Variants in C8orf34 observed in about 807,000 individuals in gnomAD.
The protein encoded by C8orf34 is chromosome 8 open reading frame 34.
A neutral mutation model predicts 68.3 loss-of-function variants in C8orf34; 65 were observed. The ratio of observed to expected loss-of-function variants is 0.95; its 90% CI spans 0.78 to 1.17. C8orf34 has a LOEUF of 1.17. Ranked by LOEUF, C8orf34 falls within the 50% of genes most tolerant of loss-of-function variation. The probability of loss-of-function intolerance (pLI) is 0.00; values close to 1 mark genes in which losing one functional copy is unlikely to be tolerated. For missense variants in C8orf34, 664 were observed against 655.4 expected (o/e 1.01, Z -0.14); for synonymous variants, 244 against 241.2 (o/e 1.01, Z -0.11).
chr8:68,761,154 C>T (rs1307701216), intron 10 of C8orf34, among the ~76,000 whole-genome samples: 1 of 152,150 alleles, frequency 6.6e-6, no homozygotes, highest in Non-Finnish European at 1.5e-5. Context: ...TTAAATGCAA[C>T]AAGGTTATAA....
At chr8:68,456,382 A>G (rs1016572829) in intron 3 of C8orf34, among the ~76,000 whole-genome samples, 2 of 152,212 alleles carry the variant, frequency 1.3e-5, no homozygotes, top group Admixed American at 6.5e-5. Context: ...GTAGAATGTA[A>G]TATCTTCAGT....
intron 6 of C8orf34, among the ~76,000 whole-genome samples, chr8:68,531,041 A>G (rs1815222322): frequency 6.6e-6 from 1 of 152,126 alleles, no homozygotes; most frequent in Non-Finnish European, 1.5e-5. Flanking sequence ...CCTATTATCT[A>G]TATATCTATC....
chr8:68,613,150 A>C (rs1458994953), intron 7 of C8orf34, among the ~76,000 whole-genome samples: 1 of 152,156 alleles, frequency 6.6e-6, no homozygotes, highest in East Asian at 1.9e-4. Context: ...CAGTGAGATT[A>C]AAGGAAAGTG....
intron 1 of C8orf34, among the ~76,000 whole-genome samples, chr8:68,409,723 C>T (rs1809362866): frequency 6.6e-6 from 1 of 152,158 alleles, no homozygotes. Context: ...CAGTCATGTC[C>T]TAGGCCTTCA....
chr8:68,746,674 A>T (rs1383997659), intron 10 of C8orf34, among the ~76,000 whole-genome samples: 1 of 148,776 alleles, frequency 6.7e-6, no homozygotes, highest in Non-Finnish European at 1.5e-5. Context: ...CCCTCCCAAG[A>T]CTAAACCAGG....
chr8:68,358,290 T>A (rs1378104615), intron 1 of C8orf34, among the ~76,000 whole-genome samples: 1 of 152,080 alleles, frequency 6.6e-6, no homozygotes, highest in Non-Finnish European at 1.5e-5. Flanking sequence ...ATTAGTCTTA[T>A]GAACAGCAAA....
At chr8:68,626,467 G>A (rs917031004) in intron 7 of C8orf34, among the ~76,000 whole-genome samples, 4 of 152,176 alleles carry the variant, frequency 2.6e-5, no homozygotes, top group African/African-American at 9.7e-5. Flanking sequence ...AAAGTTAACT[G>A]CTAAAATAGG....
chr8:68,524,617 TC>T (rs1814899799), intron 6 of C8orf34, among the ~76,000 whole-genome samples: 1 of 152,206 alleles, frequency 6.6e-6, no homozygotes, highest in African/African-American at 2.4e-5. Flanking sequence ...ATGATTGAAG[TC>T]TTTCTGTGAG....
intron 7 of C8orf34, among the ~76,000 whole-genome samples, chr8:68,582,081 T>C (rs1017400310): frequency 3.3e-5 from 5 of 152,114 alleles, no homozygotes; most frequent in African/African-American, 9.7e-5. Flanking sequence ...ATAACAAAAG[T>C]CAGGGTAACC....
At chr8:68,571,334 C>A (rs1333500349) in intron 7 of C8orf34, among the ~76,000 whole-genome samples, 1 of 152,096 alleles carries the variant, frequency 6.6e-6, no homozygotes, top group Non-Finnish European at 1.5e-5. Flanking sequence ...AAGTAAATCC[C>A]CAGAAGGAAA....
intron 1 of C8orf34, among the ~76,000 whole-genome samples, chr8:68,379,994 A>C (rs1190136910): frequency 6.6e-6 from 1 of 152,184 alleles, no homozygotes; most frequent in Non-Finnish European, 1.5e-5. Flanking sequence ...CTGGGACTAC[A>C]GGAGTGCATC....
intron 12 of C8orf34, among the ~76,000 whole-genome samples, chr8:68,796,480 G>C (rs1257298480): frequency 4.0e-5 from 6 of 148,402 alleles, no homozygotes; most frequent in Non-Finnish European, 7.4e-5. Flanking sequence ...TTGGGCCCTA[G>C]TTTCATGAGA....
chr8:68,793,239 T>TAAAAAA (rs1824066477), intron 12 of C8orf34, among the ~76,000 whole-genome samples: 1 of 152,158 alleles, frequency 6.6e-6, no homozygotes, highest in South Asian at 2.1e-4. Context: ...ATAGTAAAGT[T>TAAAAAA]AAACAGTGGA....
chr8:68,353,417 G>T (rs893499232), intron 1 of C8orf34, among the ~76,000 whole-genome samples: 2 of 151,630 alleles, frequency 1.3e-5, no homozygotes, highest in African/African-American at 4.8e-5. Context: ...TTTTATGAGT[G>T]ATGCATAGAT....
intron 4 of C8orf34, among the ~76,000 whole-genome samples, chr8:68,478,731 A>T (rs1433506226): frequency 6.6e-6 from 1 of 152,200 alleles, no homozygotes; most frequent in Non-Finnish European, 1.5e-5. Context: ...AGAGAGAATG[A>T]AAGTGAAGGG....
chr8:68,760,441 C>T (rs556289883), intron 10 of C8orf34, among the ~76,000 whole-genome samples: 2 of 152,178 alleles, frequency 1.3e-5, no homozygotes, highest in Non-Finnish European at 2.9e-5. Context: ...CAGACCCAAT[C>T]TCATGTCCAA....
chr8:68,587,828 GAGAA>G (rs1817253715), intron 7 of C8orf34, among the ~76,000 whole-genome samples: 1 of 152,016 alleles, frequency 6.6e-6, no homozygotes, highest in Admixed American at 6.6e-5. Flanking sequence ...GTTTAAATAG[GAGAA>G]AGAGAGAAGA....
intron 1 of C8orf34, among the ~76,000 whole-genome samples, chr8:68,342,925 A>C (rs562388395): frequency 1.4e-4 from 22 of 152,250 alleles, no homozygotes; most frequent in Admixed American, 8.5e-4. Flanking sequence ...TCATAGGCTG[A>C]GGTTGCTAAA....
At chr8:68,680,305 T>G (rs1345933068) in intron 8 of C8orf34, among the ~76,000 whole-genome samples, 1 of 152,142 alleles carries the variant, frequency 6.6e-6, no homozygotes, top group African/African-American at 2.4e-5. Context: ...AACAAGCATA[T>G]GAAAAAGTGC....
Sources: allele counts gnomAD v4.1 joint callset (sites outside exome capture counted in the v4.1 genomes callset), GRCh38; gene constraint gnomAD v4.1.1; transcripts MANE v1.5; gene names NCBI Gene and HGNC (gene_info 2026-07-23, HGNC 2026-07-21).